Variants in NPHP4 observed in about 807,000 individuals in gnomAD.
The protein encoded by NPHP4 is nephrocystin 4, also known as nephrocystin-4.
Under a neutral mutation model 155.8 loss-of-function variants are expected in NPHP4, and 151 were observed. The observed-to-expected ratio is 0.97, with a 90% CI of 0.85 to 1.11. The LOEUF (loss-of-function observed/expected upper bound fraction) is 1.11. NPHP4 is among the 50% of genes least tolerant of loss of function. The pLI, the probability that NPHP4 is intolerant of heterozygous loss-of-function variation, is 0.00. For missense variants in NPHP4, 1,956 were observed against 1,925.7 expected (o/e 1.02, Z -0.29); for synonymous variants, 845 against 816.8 (o/e 1.03, Z -0.59).
intron 6 of NPHP4, among the ~76,000 whole-genome samples, chr1:5,956,059 T>TGGGG (rs35135056): frequency 9.5e-6 from 1 of 105,488 alleles, no homozygotes. Context: ...TTCAAAAAGC[T>TGGGG]GGGGGGGGGG....
At chr1:5,958,461 G>A (rs183890415) in intron 6 of NPHP4, among the ~76,000 whole-genome samples, 3 of 152,182 alleles carry the variant, frequency 2.0e-5, no homozygotes, top group African/African-American at 7.2e-5. Flanking sequence ...TTGGGAGGCC[G>A]AGGTAGGTGG....
chr1:5,972,924 C>T (rs1395612220), intron 3 of NPHP4, among the ~76,000 whole-genome samples: 1 of 152,004 alleles, frequency 6.6e-6, no homozygotes, highest in African/African-American at 2.4e-5. Flanking sequence ...TGCTCTATCA[C>T]CCAGGCTGGA....
chr1:5,868,474 AT>A (rs1641509095), intron 23 of NPHP4: 2 of 233,290 alleles, frequency 8.6e-6, no homozygotes, highest in South Asian at 1.2e-4. Context: ...TAAAAAGGCT[AT>A]ATTTGTTTCA....
chr1:5,944,784 A>G lies in NPHP4; in HGVS notation c.1119+2320T>C, dbSNP rs767712044. ...CAGAAGTCTGAGACCTGCCTGGCCA[A>G]CGTGGGAAAACCCCGTCTCTATTAA... On this transcript the variant is annotated intron_variant, in intron 9 of 29. Transcript: ENST00000378156. This position sits in a 1 kb window ranked among gnomAD's most constrained non-coding sequence, Gnocchi z 4.3. Among the ~76,000 whole-genome samples, 1 of 152,208 alleles carries G rather than the reference A, an allele frequency of 6.6e-6. No homozygotes were observed. The highest frequency in any genetic ancestry group is 1.5e-5 in the Non-Finnish European group (1 of 68,038).
chr1:5,871,852 G>C (rs945479471), intron 23 of NPHP4, among the ~76,000 whole-genome samples: 10 of 152,178 alleles, frequency 6.6e-5, no homozygotes, highest in African/African-American at 2.2e-4. Flanking sequence ...TGCGTTGACT[G>C]GGGGCAGCAA....
rs952737320 is a variant in NPHP4 at position 5,909,110 on chromosome 1, ACT to A, written c.1503+40_1503+41del. ...CAGAGGGTTTTCTTGCAAGTAATTG[ACT>A]CTGGAATTCTGAAGGAGGCCGTGGG... is the stretch of plus-strand genomic sequence containing the variant. On this transcript the variant is annotated intron_variant, in intron 12 of 29. Coordinates refer to ENST00000378156, the MANE Select transcript of NPHP4 (RefSeq NM_015102.5). The A allele has an allele frequency of 5.4e-6, 8 of 1,475,560 alleles. No individual in the cohort carries two copies. In the African/African-American group the frequency reaches 7.0e-5, roughly 13 times the overall value. 91.4% of individuals were successfully genotyped at this position (1,475,560 alleles called of 1,614,324 possible). A position where few individuals can be genotyped will look rare whatever the true frequency, so the allele number is the denominator to read the frequency against.
At chr1:5,974,503 ATT>A (rs918698885) in intron 3 of NPHP4, among the ~76,000 whole-genome samples, 1 of 152,144 alleles carries the variant, frequency 6.6e-6, no homozygotes, top group Non-Finnish European at 1.5e-5. Flanking sequence ...CTCCAGCATT[ATT>A]TTTTAAAAGA....
chr1:5,864,073 C>A (rs779322258), intron 28 of NPHP4, 40 bp from the exon 29 acceptor site: 1 of 1,602,824 alleles, frequency 6.2e-7, no homozygotes. Flanking sequence ...CGGCCACTCA[C>A]GGGAACAGCC....
At chr1:5,894,047 C>T (rs1644273227) in intron 16 of NPHP4, among the ~76,000 whole-genome samples, 1 of 152,172 alleles carries the variant, frequency 6.6e-6, no homozygotes, top group Non-Finnish European at 1.5e-5. Flanking sequence ...ATTAATGATA[C>T]TCATATATAA....
chr1:5,948,604 C>T (rs532180465), intron 7 of NPHP4, among the ~76,000 whole-genome samples: 27 of 152,302 alleles, frequency 1.8e-4, no homozygotes, highest in African/African-American at 6.3e-4. Context: ...CTTCAAGACT[C>T]CTCCAAGGTC....
In NPHP4 at chr1:5,875,098, C is replaced by A; in HGVS notation, c.2820G>T (p.Ala940=). 6.3e-7 allele frequency: 1 copy of A among 1,597,544 alleles called. No individual in the cohort carries two copies. Among genetic ancestry groups the A allele is most frequent in the Non-Finnish European group, 8.5e-7 (1 of 1,175,620 alleles). The part of the protein sequence containing the change: ...DLGRRGTSVL[A]QQSVRTQHLR... Reference sequence around the variant, plus strand: ...AGTGCTGTGTGCGGACGCTCTGCTGCGCCTGCAGACAAGAGGACATGGGTG... The same window carrying A: ...AGTGCTGTGTGCGGACGCTCTGCTGAGCCTGCAGACAAGAGGACATGGGTG... Residue 940 remains alanine, a splice_region_variant and synonymous_variant, in exon 21 of 30, where the codon GCG becomes GCT. Transcript: ENST00000378156.
At chr1:5,975,449 T>A (rs1274292607) in intron 3 of NPHP4, among the ~76,000 whole-genome samples, 1 of 152,306 alleles carries the variant, frequency 6.6e-6, no homozygotes, top group South Asian at 2.1e-4. Context: ...GAAAGTGCCC[T>A]GGCCACACCA....
intron 23 of NPHP4, among the ~76,000 whole-genome samples, chr1:5,871,938 T>C (rs962340177): frequency 6.6e-6 from 1 of 152,220 alleles, no homozygotes; most frequent in Non-Finnish European, 1.5e-5. Flanking sequence ...ATGGGTAAAC[T>C]AACACAGTGT....
chr1:5,984,209 C>T (rs1655134407), intron 2 of NPHP4, among the ~76,000 whole-genome samples: 2 of 152,084 alleles, frequency 1.3e-5, no homozygotes, highest in African/African-American at 4.8e-5. Flanking sequence ...CATGAATGAT[C>T]GATAAGACAT....
Position 5,862,928 on chromosome 1 carries a change from A to C in NPHP4, c.*337T>G, listed in dbSNP as rs1431617536. ...GTACAAAATCCAGTAAGAAAAACATAATTTTCTCATTTAGGATGATTCATA... is the reference window on the plus strand; with the variant it reads ...GTACAAAATCCAGTAAGAAAAACATCATTTTCTCATTTAGGATGATTCATA... On this transcript the variant is annotated 3_prime_UTR_variant, in exon 30 of 30. Transcript: ENST00000378156. 1 of 306,884 alleles carries C rather than the reference A, an allele frequency of 3.3e-6. No individual in the cohort carries two copies. The highest frequency in any genetic ancestry group is 6.2e-6 in the Non-Finnish European group (1 of 161,952). 19.0% of individuals were successfully genotyped at this position (306,884 alleles called of 1,614,324 possible). A position where few individuals can be genotyped will look rare whatever the true frequency, so the allele number is the denominator to read the frequency against.
chr1:5,880,269 T>A, intron 18 of NPHP4, 30 bp from the exon 19 acceptor site: 1 of 1,610,950 alleles, frequency 6.2e-7, no homozygotes, highest in Admixed American at 1.7e-5. Flanking sequence ...ACATAAGACA[T>A]GAACCCCAAA....
At chr1:5,945,909 C>CG (rs926604362) in intron 9 of NPHP4, among the ~76,000 whole-genome samples, 2 of 152,020 alleles carry the variant, frequency 1.3e-5, no homozygotes, top group South Asian at 2.1e-4. Flanking sequence ...ATTGTCCCCC[C>CG]CCAGGGCGTG....
chr1:5,964,917 T>TTATATATATATA (rs4068402), intron 5 of NPHP4, among the ~76,000 whole-genome samples: 16 of 82,580 alleles, frequency 1.9e-4, no homozygotes, highest in South Asian at 3.8e-4. Flanking sequence ...TACATATATA[T>TTATATATATATA]TATATATATA....
intron 9 of NPHP4, among the ~76,000 whole-genome samples, chr1:5,946,697 C>A (rs1647118175): frequency 6.6e-6 from 1 of 152,216 alleles, no homozygotes. Context: ...TGGGGCTGCT[C>A]ACAGAAAGAC....
Sources: gnomAD v4.1 joint callset for allele counts (sites outside exome capture counted in the v4.1 genomes callset) on GRCh38, gnomAD v4.1.1 for gene constraint, Gnocchi (gnomAD v3.1) non-coding constraint, MANE v1.5 for transcripts, NCBI Gene and HGNC (gene_info 2026-07-23, HGNC 2026-07-21) for gene names.